SLF1: variants seen among roughly 807,000 people sequenced by gnomAD.
SLF1 encodes the protein SMC5-SMC6 complex localization factor protein 1.
A neutral mutation model predicts 123.0 loss-of-function variants in SLF1; 105 were observed. That is an observed-to-expected ratio of 0.85 (90% CI 0.73 to 1.00). The LOEUF is 1.00. Ranked by LOEUF, SLF1 falls within the 50% of genes least tolerant of loss-of-function variation. SLF1 has a pLI of 0.00. For synonymous variants in SLF1, 434 were observed against 406.6 expected, an observed-to-expected ratio of 1.07 and a Z score of -0.81; for missense variants, 1,239 against 1,223.0, an observed-to-expected ratio of 1.01 and a Z score of -0.20.
intron 5 of SLF1, among the ~76,000 whole-genome samples, chr5:94,644,844 G>A (rs917921319): frequency 6.6e-6 from 1 of 152,136 alleles, no homozygotes; most frequent in East Asian, 1.9e-4. Context: ...TTGTCATCAG[G>A]CATCGTGTCT....
chr5:94,655,462 G>A (rs1231615774), intron 9 of SLF1, among the ~76,000 whole-genome samples: 2 of 152,064 alleles, frequency 1.3e-5, no homozygotes, highest in Non-Finnish European at 2.9e-5. Context: ...CAAATTTTAG[G>A]ATTGTTTTTC....
In SLF1 at chr5:94,645,957, C is replaced by T. The variant is rs117675790; in HGVS notation, c.594+2522C>T. Among the ~76,000 whole-genome samples, 23 of 152,258 alleles carry T rather than the reference C, an allele frequency of 1.5e-4. No homozygotes were observed. In the East Asian group the frequency reaches 4.4e-3, roughly 29 times the overall value. On this transcript the variant is annotated intron_variant, in intron 5 of 20. Coordinates refer to ENST00000265140, the MANE Select transcript of SLF1 (RefSeq NM_032290.4). ...CAAGAAAAGCTGCCATGTAAAATGA[C>T]TGAGTTAATAGTAACAAGCCAGGCG...
At chr5:94,679,930 C>A (rs1306488569) in intron 15 of SLF1, among the ~76,000 whole-genome samples, 2 of 152,170 alleles carry the variant, frequency 1.3e-5, no homozygotes, top group East Asian at 1.9e-4. Flanking sequence ...GCCCATCCTT[C>A]CCTTTTTTTC....
intron 16 of SLF1, among the ~76,000 whole-genome samples, 170 bp downstream of exon 16, chr5:94,686,888 T>C (rs1371038224): frequency 1.3e-5 from 2 of 152,136 alleles, no homozygotes; most frequent in Non-Finnish European, 2.9e-5. Flanking sequence ...CCCGGGTGCA[T>C]GGCATTCTCC....
intron 15 of SLF1, among the ~76,000 whole-genome samples, chr5:94,685,004 A>G (rs901731899): frequency 6.6e-6 from 1 of 152,244 alleles, no homozygotes; most frequent in Non-Finnish European, 1.5e-5. Flanking sequence ...CTAGATGCCA[A>G]TAGCATCCCT....
chr5:94,694,834 C>T lies in SLF1; in HGVS notation c.2699C>T (p.Pro900Leu), dbSNP rs946385253. ...IGKLLLQHGG[P>L]VLLQQRNAKG... is the part of the protein sequence containing the mutation. The stretch of plus-strand genomic sequence containing the variant: ...ATTTTGCATTTTCTTTTCACAGGCC[C>T]AGTGCTTTTACAACAGAGGAATGCT... Residue 900 changes from proline (P) to leucine (L), a missense_variant, in exon 21 of 21, where the codon CCA becomes CTA. Pro to Leu is a moderately conservative substitution (Grantham distance 98). Coordinates refer to ENST00000265140, the MANE Select transcript of SLF1 (RefSeq NM_032290.4). 6.4e-7 allele frequency: 1 copy of T among 1,557,738 alleles called. No individual in the cohort carries two copies.
In SLF1 at chr5:94,692,089, C is replaced by G. The variant is rs151048871; in HGVS notation, c.2528C>G (p.Thr843Arg). Reference protein sequence around the residue: ...DINVKDNAGWTPLHEACNYGN... With the variant: ...DINVKDNAGWRPLHEACNYGN... ...TCTAATTTAGACAATGCTGGCTGGA[C>G]GCCTTTGCATGAAGCCTGTAACTAT... The change falls in exon 20 of 21, where the codon ACG becomes AGG. Residue 843 changes from threonine (T) to arginine (R), a missense_variant. By Grantham distance (71) the Thr-to-Arg change is moderately conservative (BLOSUM62 -1). Coordinates refer to ENST00000265140, the MANE Select transcript of SLF1 (RefSeq NM_032290.4). 3 of 1,613,148 alleles carry G rather than the reference C, an allele frequency of 1.9e-6. No homozygotes were observed. The highest frequency in any genetic ancestry group is 1.3e-5 in the African/African-American group (1 of 74,852).
chr5:94,624,987 C>T lies in SLF1; in HGVS notation c.1-3824C>T, dbSNP rs1792100642. Among the ~76,000 whole-genome samples, 3 of 151,062 alleles carry T rather than the reference C, an allele frequency of 2.0e-5. No homozygotes were observed. In the Admixed American group the frequency reaches 2.0e-4, roughly 10 times the overall value. The stretch of plus-strand genomic sequence containing the variant: ...GGATCACAAGGTCAGGAGATCGAGA[C>T]CATCCTAGATAACACAGTGAAACCC... On this transcript the variant is annotated intron_variant, in intron 1 of 20. Coordinates refer to ENST00000265140, the MANE Select transcript of SLF1 (RefSeq NM_032290.4).
At chr5:94,679,114 A>G (rs1418458394) in intron 15 of SLF1, among the ~76,000 whole-genome samples, 159 bp downstream of exon 15, 5 of 152,198 alleles carry the variant, frequency 3.3e-5, no homozygotes, top group African/African-American at 1.2e-4. Context: ...CAGACAATAT[A>G]AAGAGGAAGA....
In SLF1 at chr5:94,651,781, C is replaced by G. The variant is rs1187114300; in HGVS notation, c.818C>G (p.Ser273Cys). 6.6e-6 allele frequency: 10 copies of G among 1,521,232 alleles called. No homozygotes were observed. The highest frequency in any genetic ancestry group is 8.0e-6 in the Non-Finnish European group (9 of 1,128,690). The allele number at this position is 1,521,232 out of a possible 1,614,324, so 94.2% of individuals were successfully genotyped here. ...CACAAAAAAGAAAAATTCAGTGGTT[C>G]CAGTAAAGATTTGAAATTTGTTAAA... Reference protein sequence around the residue: ...QHHKKEKFSGSSKDLKFVKMR... With the variant: ...QHHKKEKFSGCSKDLKFVKMR... The change falls in exon 7 of 21, where the codon TCC becomes TGC. Residue 273 changes from serine to cysteine, a missense_variant. Physicochemically the swap from Ser to Cys is moderately radical, Grantham distance 112 (BLOSUM62 -1). Coordinates refer to ENST00000265140, the MANE Select transcript of SLF1 (RefSeq NM_032290.4).
At chr5:94,660,667 T>TG (rs1366471669) in intron 9 of SLF1, among the ~76,000 whole-genome samples, 6 of 151,848 alleles carry the variant, frequency 4.0e-5, no homozygotes, top group African/African-American at 1.5e-4. Flanking sequence ...GCAGGCAGAG[T>TG]GGATCTATCT....
At chr5:94,679,827 T>C (rs941898280) in intron 15 of SLF1, among the ~76,000 whole-genome samples, 2 of 152,176 alleles carry the variant, frequency 1.3e-5, no homozygotes, top group Admixed American at 1.3e-4. Context: ...TGAAAAGTTC[T>C]ACCCAATTCT....
At chr5:94,632,117 G>A (rs1039417858) in intron 4 of SLF1, among the ~76,000 whole-genome samples, 4 of 151,936 alleles carry the variant, frequency 2.6e-5, no homozygotes, top group Admixed American at 1.3e-4. Context: ...TTTCAAAGTA[G>A]TACCATTTTA....
intron 14 of SLF1, among the ~76,000 whole-genome samples, chr5:94,672,481 C>A (rs542587319): frequency 6.6e-6 from 1 of 151,676 alleles, no homozygotes; most frequent in Non-Finnish European, 1.5e-5. Flanking sequence ...ACCATTTCCC[C>A]TGTCCTCCTC....
intron 5 of SLF1, among the ~76,000 whole-genome samples, chr5:94,644,222 TC>T (rs1178665528): frequency 3.3e-5 from 5 of 152,170 alleles, no homozygotes; most frequent in African/African-American, 1.2e-4. Flanking sequence ...TCCTCAGCAC[TC>T]CTGGAATAGG....
At chr5:94,664,178 T>C (rs368822792) in intron 11 of SLF1, among the ~76,000 whole-genome samples, 1 of 152,220 alleles carries the variant, frequency 6.6e-6, no homozygotes, top group East Asian at 1.9e-4. Flanking sequence ...CTCACGGCAG[T>C]AAAGTATCAA....
intron 18 of SLF1, 124 bp from the exon 19 acceptor site, chr5:94,691,440 A>G (rs1478720860): frequency 6.9e-6 from 3 of 432,694 alleles, no homozygotes; most frequent in Non-Finnish European, 1.1e-5. Context: ...TAAACCAGTC[A>G]AAAGAAGAAC....
At chr5:94,662,735 T>C (rs1749277122) in intron 10 of SLF1, among the ~76,000 whole-genome samples, 1 of 148,298 alleles carries the variant, frequency 6.7e-6, no homozygotes, top group Admixed American at 6.9e-5. Flanking sequence ...TTACATACTT[T>C]CATTTCAGAA....
At chr5:94,664,400 T>TC (rs1206284300) in intron 11 of SLF1, among the ~76,000 whole-genome samples, 1 of 152,162 alleles carries the variant, frequency 6.6e-6, no homozygotes, top group African/African-American at 2.4e-5. Context: ...GCTCAAGTAG[T>TC]CCCCCTGCTT....
Sources: allele counts gnomAD v4.1 joint callset (sites outside exome capture counted in the v4.1 genomes callset), GRCh38; gene constraint gnomAD v4.1.1; transcripts MANE v1.5; gene names NCBI Gene and HGNC (gene_info 2026-07-23, HGNC 2026-07-21).